Variants in HS2ST1 observed in about 807,000 individuals in gnomAD.
The protein encoded by HS2ST1 is 2-O-sulfotransferase.
HS2ST1 carries 18 observed loss-of-function variants against 42.9 expected under a neutral mutation model. The observed-to-expected ratio is 0.42, with a 90% confidence interval of 0.29 to 0.62. The LOEUF is 0.62. Among genes scored for constraint, HS2ST1 ranks in the 20% least tolerant of loss-of-function variants. The pLI is 0.21. For missense variants in HS2ST1, 334 were observed against 433.8 expected (o/e 0.77, Z 2.04); for synonymous variants, 146 against 152.9 (o/e 0.95, Z 0.33).
rs1245681904 is a variant in HS2ST1, at chr1:87,097,827, C to T, written c.589-11C>T. ...TTATGGCTTACCCGTGCTGCTTTGT[C>T]TTTGTTCTAGACCTTTGATGAATGT... On this transcript the variant is annotated splice_polypyrimidine_tract_variant and intron_variant, in intron 4 of 6. Coordinates refer to ENST00000370550, the MANE Select transcript of HS2ST1 (RefSeq NM_012262.4). 6.2e-7 allele frequency: 1 copy of T among 1,613,744 alleles called. No homozygotes were observed. Among genetic ancestry groups the T allele is most frequent in the Non-Finnish European group, 8.5e-7 (1 of 1,179,850 alleles).
At position 87,109,091 on chromosome 1, in the gene HS2ST1, T is replaced by C. The variant is rs924934494; in HGVS notation, c.*4395T>C. On this transcript the variant is annotated 3_prime_UTR_variant, in exon 7 of 7. Transcript: ENST00000370550. Reference sequence around the variant, plus strand: ...CATCTGTTGGAGAGATAATCACTCCTTTTCCTTAACATTCTGCCAGCTTTC... The same window carrying C: ...CATCTGTTGGAGAGATAATCACTCCCTTTCCTTAACATTCTGCCAGCTTTC... 2.0e-5 allele frequency: 3 copies of C among 152,526 alleles called. No homozygotes were observed. Among genetic ancestry groups the C allele is most frequent in the Non-Finnish European group, 2.9e-5 (2 of 67,974 alleles). 9.4% of individuals were successfully genotyped at this position (152,526 alleles called of 1,614,324 possible).
intron 1 of HS2ST1, among the ~76,000 whole-genome samples, chr1:87,057,562 G>C (rs996288302): frequency 9.0e-6 from 1 of 110,750 alleles, no homozygotes. Context: ...CACCCAGAAG[G>C]CACTTTTTTT....
chr1:87,066,973 AT>A (rs1269988735), intron 1 of HS2ST1, among the ~76,000 whole-genome samples: 3 of 152,106 alleles, frequency 2.0e-5, no homozygotes, highest in Non-Finnish European at 4.4e-5. Context: ...TCTATCATTG[AT>A]GGGGATTTGG....
intron 2 of HS2ST1, among the ~76,000 whole-genome samples, chr1:87,073,996 T>G (rs778087297): frequency 1.5e-4 from 23 of 152,348 alleles, no homozygotes; most frequent in Non-Finnish European, 2.8e-4. Flanking sequence ...TTGAAAGCAG[T>G]GAACTTGTTA....
At chr1:87,103,641 G>T in intron 6 of HS2ST1, 52 bp downstream of exon 6, 1 of 1,393,662 alleles carries the variant, frequency 7.2e-7, no homozygotes, top group Non-Finnish European at 9.5e-7. Flanking sequence ...TGGTTTTTTG[G>T]TTTGCAACTT....
chr1:87,101,149 GTTTTTTGTTTTTTTTTTT>G (rs1359885234), intron 5 of HS2ST1, among the ~76,000 whole-genome samples: 98 of 59,566 alleles, frequency 1.6e-3, no homozygotes, highest in African/African-American at 5.2e-3. Flanking sequence ...GTGTGTGTGT[GTTTTTTGTTTTTTTTTTT>G]TTTTTTTTTT....
Position 87,101,149 on chromosome 1 carries a change from GTTTTTTGTTTTTT to G in HS2ST1, c.687-2276_687-2264del, listed in dbSNP as rs1308927504. The stretch of plus-strand genomic sequence containing the variant: ...TCATCACTTTTGTGTGTGTGTGTGT[GTTTTTTGTTTTTT>G]TTTTTTTTTTTTTTTTTTTTTTTGA... On this transcript the variant is annotated intron_variant, in intron 5 of 6. Transcript: ENST00000370550. Among the ~76,000 whole-genome samples the G allele has an allele frequency of 5.5e-3, 325 of 59,490 alleles. 5 individuals carry two copies. The highest frequency in any genetic ancestry group is 6.7e-3 in the Non-Finnish European group (227 of 33,710). The allele number at this position is 59,490 out of a possible 152,430, so 39.0% of individuals were successfully genotyped here.
chr1:86,965,257 G>C (rs2102202743), intron 1 of HS2ST1, among the ~76,000 whole-genome samples: 1 of 151,986 alleles, frequency 6.6e-6, no homozygotes, highest in Non-Finnish European at 1.5e-5. Context: ...TACCCTGCTT[G>C]GGGGCTTATC....
At chr1:87,002,171 C>T (rs1311141910) in intron 1 of HS2ST1, among the ~76,000 whole-genome samples, 2 of 152,164 alleles carry the variant, frequency 1.3e-5, no homozygotes, top group Non-Finnish European at 2.9e-5. Context: ...TTCAGCCTCC[C>T]AAAGTGCTGG....
At chr1:87,032,917 G>A (rs1049229148) in intron 1 of HS2ST1, among the ~76,000 whole-genome samples, 8 of 152,086 alleles carry the variant, frequency 5.3e-5, no homozygotes, top group African/African-American at 1.9e-4. Context: ...TGTGATTACT[G>A]TCCTTTGCAA....
chr1:87,076,533 T>G (rs1364211906), intron 2 of HS2ST1, among the ~76,000 whole-genome samples: 1 of 152,140 alleles, frequency 6.6e-6, no homozygotes, highest in Non-Finnish European at 1.5e-5. Context: ...AGTTGAAAAG[T>G]TAAAAGAAGG....
chr1:87,034,564 TCTAG>T (rs1650323908), intron 1 of HS2ST1, among the ~76,000 whole-genome samples: 1 of 152,234 alleles, frequency 6.6e-6, no homozygotes, highest in African/African-American at 2.4e-5. Context: ...AATATTGTAC[TCTAG>T]CTAGTACAAT....
intron 5 of HS2ST1, among the ~76,000 whole-genome samples, chr1:87,099,336 G>A (rs1025785583): frequency 3.9e-5 from 6 of 152,200 alleles, no homozygotes; most frequent in Non-Finnish European, 4.4e-5. Context: ...GCTTACACTC[G>A]TGGCAGAAGG....
At chr1:87,083,281 A>T (rs1000712211) in intron 2 of HS2ST1, among the ~76,000 whole-genome samples, 3 of 152,188 alleles carry the variant, frequency 2.0e-5, no homozygotes, top group Non-Finnish European at 2.9e-5. Context: ...GAATTATGCA[A>T]TTGACAGTTC....
At chr1:87,058,147 T>A (rs1423021947) in intron 1 of HS2ST1, among the ~76,000 whole-genome samples, 1 of 151,740 alleles carries the variant, frequency 6.6e-6, no homozygotes, top group African/African-American at 2.4e-5. Flanking sequence ...AGAGGTCCCC[T>A]GATTTCAGCT....
chr1:86,914,976 C>G lies in HS2ST1; in HGVS notation c.-61C>G. On this transcript the variant is annotated 5_prime_UTR_variant, in exon 1 of 7. Transcript: ENST00000370550. Reference sequence around the variant, plus strand: ...GGCGGGCTCCTCCCGGCGTCTCTCTCGCCTCCGGGGTCCCGCTCCCCGCCC... The same window carrying G: ...GGCGGGCTCCTCCCGGCGTCTCTCTGGCCTCCGGGGTCCCGCTCCCCGCCC... The G allele has an allele frequency of 6.2e-7, 1 of 1,602,364 alleles. No homozygotes were observed. Among genetic ancestry groups the G allele is most frequent in the Non-Finnish European group, 8.5e-7 (1 of 1,174,724 alleles).
At chr1:86,942,298 A>G (rs1187004386) in intron 1 of HS2ST1, among the ~76,000 whole-genome samples, 1 of 152,244 alleles carries the variant, frequency 6.6e-6, no homozygotes, top group African/African-American at 2.4e-5. Context: ...CAACTCTTTC[A>G]TCTTTAGTAA....
chr1:86,934,831 G>A (rs1031822044), intron 1 of HS2ST1: 1 of 148,270 alleles, frequency 6.7e-6, no homozygotes, highest in Non-Finnish European at 1.5e-5. Context: ...GGGAGACAGA[G>A]CCAGGAGAAT....
intron 5 of HS2ST1, among the ~76,000 whole-genome samples, chr1:87,099,974 C>G (rs1652160405): frequency 6.6e-6 from 1 of 152,232 alleles, no homozygotes; most frequent in South Asian, 2.1e-4. Context: ...GCTCCCAAGG[C>G]CTTGAGCAGC....
Sources: allele counts gnomAD v4.1 joint callset (sites outside exome capture counted in the v4.1 genomes callset), GRCh38; gene constraint gnomAD v4.1.1; transcripts MANE v1.5; gene names NCBI Gene and HGNC (gene_info 2026-07-23, HGNC 2026-07-21).